Variants in VAPB observed in about 807,000 individuals in gnomAD.
VAPB encodes vesicle-associated membrane protein-associated protein B/C.
A neutral mutation model predicts 25.6 loss-of-function variants in VAPB; 7 were observed. The ratio of observed to expected loss-of-function variants is 0.27; its 90% CI spans 0.16 to 0.51. The LOEUF is 0.51. Among genes scored for constraint, VAPB ranks in the 20% least tolerant of loss-of-function variants. The pLI is 0.97. For synonymous variants in VAPB, 112 were observed against 109.2 expected, an observed-to-expected ratio of 1.03 and a Z score of -0.16; for missense variants, 266 against 301.3, an observed-to-expected ratio of 0.88 and a Z score of 0.87.
intron 3 of VAPB, among the ~76,000 whole-genome samples, chr20:58,436,707 T>C (rs1307615084): frequency 5.3e-5 from 8 of 152,222 alleles, no homozygotes; most frequent in African/African-American, 1.4e-4. Flanking sequence ...ACCACTCATA[T>C]AACTTTTACC....
chr20:58,443,080 C>G (rs1989197387), intron 5 of VAPB, among the ~76,000 whole-genome samples: 1 of 152,054 alleles, frequency 6.6e-6, no homozygotes, highest in Non-Finnish European at 1.5e-5. Flanking sequence ...CTTGCAGATT[C>G]TTAGGAAAGT....
chr20:58,407,380 G>A (rs73179888), intron 1 of VAPB, among the ~76,000 whole-genome samples: 5,124 of 152,234 alleles, frequency 0.034, 125 homozygotes, highest in Non-Finnish European at 0.051. Flanking sequence ...TGGTTTATCA[G>A]TTTTCAACAA....
At chr20:58,426,975 A>G (rs1028945057) in intron 2 of VAPB, among the ~76,000 whole-genome samples, 2 of 152,108 alleles carry the variant, frequency 1.3e-5, no homozygotes, top group Non-Finnish European at 2.9e-5. Flanking sequence ...ATCTGTTACC[A>G]TTATGATGCA....
chr20:58,421,215 A>G (rs2123063515), intron 2 of VAPB, among the ~76,000 whole-genome samples: 2 of 152,302 alleles, frequency 1.3e-5, no homozygotes, highest in South Asian at 4.1e-4. Flanking sequence ...AGGTAGGGAG[A>G]ATAGTGTCTA....
chr20:58,389,459 C>T lies in VAPB; in HGVS notation c.-1C>T. The T allele has an allele frequency of 6.3e-7, 1 of 1,595,474 alleles. No individual in the cohort carries two copies. The highest frequency in any genetic ancestry group is 2.3e-5 in the East Asian group (1 of 43,890). ...CCAAAGGTGCTCCGCCGCTAAGGAA[C>T]ATGGCGAAGGTGGAGCAGGTCCTGA... On this transcript the variant is annotated 5_prime_UTR_variant, in exon 1 of 6. Coordinates refer to ENST00000475243, the MANE Select transcript of VAPB (RefSeq NM_004738.5).
intron 1 of VAPB, among the ~76,000 whole-genome samples, chr20:58,413,640 C>T (rs1461985868): frequency 1.3e-5 from 2 of 151,812 alleles, no homozygotes; most frequent in African/African-American, 2.4e-5. Context: ...CATCCTGGCC[C>T]GTTCTCAATG....
intron 1 of VAPB, among the ~76,000 whole-genome samples, chr20:58,409,199 G>T (rs960013574): frequency 2.6e-4 from 39 of 150,056 alleles, no homozygotes; most frequent in African/African-American, 9.6e-4. Flanking sequence ...GGACAAAAAA[G>T]TCTGTGTTGA....
At chr20:58,417,978 G>C (rs979994136) in intron 1 of VAPB, among the ~76,000 whole-genome samples, 6 of 152,182 alleles carry the variant, frequency 3.9e-5, no homozygotes, top group Non-Finnish European at 7.3e-5. Flanking sequence ...TCAATGAGAT[G>C]CCATATGTTA....
intron 2 of VAPB, among the ~76,000 whole-genome samples, chr20:58,425,982 T>G (rs1026543466): frequency 6.6e-6 from 1 of 152,208 alleles, no homozygotes; most frequent in Non-Finnish European, 1.5e-5. Flanking sequence ...AACCTCCACC[T>G]CCTGGGTTCA....
rs537855618 is a variant in VAPB, at chr20:58,442,737, G to T, written c.574-1340G>T. Among the ~76,000 whole-genome samples, 7 of 152,320 alleles carry T rather than the reference G, an allele frequency of 4.6e-5. No homozygotes were observed. In the South Asian group the frequency reaches 1.5e-3, roughly 32 times the overall value. On this transcript the variant is annotated intron_variant, in intron 5 of 5. Coordinates refer to ENST00000475243, the MANE Select transcript of VAPB (RefSeq NM_004738.5). Reference sequence around the variant, plus strand: ...CTCTGTTGTTGGGATAGCAGGGAGAGACATAGACAGAAGTGATTACAAGCC... The same window carrying T: ...CTCTGTTGTTGGGATAGCAGGGAGATACATAGACAGAAGTGATTACAAGCC...
rs1989302995 is a variant in VAPB at position 58,446,766 on chromosome 20, A to G, written c.*2531A>G. On this transcript the variant is annotated 3_prime_UTR_variant, in exon 6 of 6. Transcript: ENST00000475243. ...AACTGCTCAGGAAGAGAAACAGGTG[A>G]CTGATGGGAAGGTTGATTATTTTCT... The G allele has an allele frequency of 2.2e-6, 1 of 454,102 alleles. No homozygotes were observed. The highest frequency in any genetic ancestry group is 4.4e-6 in the Non-Finnish European group (1 of 226,790). 28.1% of individuals were successfully genotyped at this position (454,102 alleles called of 1,614,324 possible). A position where few individuals can be genotyped will look rare whatever the true frequency, so the allele number is the denominator to read the frequency against.
chr20:58,443,635 T>C (rs1161602332), intron 5 of VAPB, among the ~76,000 whole-genome samples: 1 of 151,830 alleles, frequency 6.6e-6, no homozygotes, highest in Non-Finnish European at 1.5e-5. Context: ...GGGAAATGCC[T>C]GTGATTTTAA....
intron 1 of VAPB, among the ~76,000 whole-genome samples, chr20:58,396,620 A>C (rs1987964364): frequency 6.6e-6 from 1 of 152,164 alleles, no homozygotes; most frequent in South Asian, 2.1e-4. Flanking sequence ...AGGATCTGGG[A>C]GTGGTCATAT....
chr20:58,395,838 A>C (rs2123018960), intron 1 of VAPB, among the ~76,000 whole-genome samples: 1 of 152,322 alleles, frequency 6.6e-6, no homozygotes, highest in South Asian at 2.1e-4. Context: ...GCTTTACACA[A>C]GGAAGAGTTG....
chr20:58,428,207 G>A (rs1461846632), intron 2 of VAPB, among the ~76,000 whole-genome samples: 4 of 152,184 alleles, frequency 2.6e-5, no homozygotes, highest in African/African-American at 9.7e-5. Context: ...GACCCCAAAG[G>A]CCCTTTCTTA....
chr20:58,400,184 CT>C (rs1174808668), intron 1 of VAPB, among the ~76,000 whole-genome samples: 1 of 152,118 alleles, frequency 6.6e-6, no homozygotes, highest in Non-Finnish European at 1.5e-5. Context: ...TTGCTGTCAC[CT>C]AGAGGCACTT....
rs192608255 is a variant in VAPB at position 58,411,528 on chromosome 20, C to T, written c.59-6683C>T. 3.1e-3 allele frequency among the ~76,000 whole-genome samples: 479 copies of T among 152,338 alleles called. 3 individuals carry two copies. Among genetic ancestry groups the T allele is most frequent in the African/African-American group, 0.011 (461 of 41,586 alleles). ...AATTCCTGACCTCAGCTGATCCACCCGCCTTGGCCTCCTGATTACAGGCGT... is the reference window on the plus strand; with the variant it reads ...AATTCCTGACCTCAGCTGATCCACCTGCCTTGGCCTCCTGATTACAGGCGT... On this transcript the variant is annotated intron_variant, in intron 1 of 5. Transcript: ENST00000475243.
chr20:58,450,719 AT>A lies in VAPB; in HGVS notation c.*6485del, dbSNP rs1179251295. The A allele has an allele frequency of 2.2e-6, 1 of 453,806 alleles. No homozygotes were observed. The highest frequency in any genetic ancestry group is 2.0e-5 in the African/African-American group (1 of 50,048). The allele number at this position is 453,806 out of a possible 1,614,324, so 28.1% of individuals were successfully genotyped here. A position where few individuals can be genotyped will look rare whatever the true frequency, so the allele number is the denominator to read the frequency against. On this transcript the variant is annotated 3_prime_UTR_variant, in exon 6 of 6. Transcript: ENST00000475243. ...TGTGTGTGTTTATAGTCTTCAATGT[AT>A]GTTAACATGTTAGGAACTGAGTATC...
chr20:58,389,913 C>CA (rs1987748224), intron 1 of VAPB, among the ~76,000 whole-genome samples: 1 of 152,204 alleles, frequency 6.6e-6, no homozygotes, highest in Admixed American at 6.5e-5. Context: ...GTCAGCTGCT[C>CA]AGAGAGGCCT....
Sources: allele counts gnomAD v4.1 joint callset (sites outside exome capture counted in the v4.1 genomes callset), GRCh38; gene constraint gnomAD v4.1.1; transcripts MANE v1.5; gene names NCBI Gene and HGNC (gene_info 2026-07-23, HGNC 2026-07-21).